Variants in CDKL1 observed in about 807,000 individuals in gnomAD.
CDKL1 encodes the protein cyclin dependent kinase like 1.
Under a neutral mutation model 42.0 loss-of-function variants are expected in CDKL1, and 41 were observed. The observed-to-expected ratio is 0.98, with a 90% CI of 0.76 to 1.27. CDKL1 has a LOEUF of 1.27. CDKL1 is among the 50% of genes most tolerant of loss of function. CDKL1 has a pLI of 0.00. For missense variants in CDKL1, 394 were observed against 428.4 expected (o/e 0.92, Z 0.71); for synonymous variants, 153 against 158.6 (o/e 0.96, Z 0.26).
At chr14:50,392,123 C>A (rs903450465) in intron 2 of CDKL1, among the ~76,000 whole-genome samples, 3 of 152,170 alleles carry the variant, frequency 2.0e-5, no homozygotes, top group African/African-American at 7.2e-5. Flanking sequence ...CATCCCCTCA[C>A]TTTTGAACAA....
intron 8 of CDKL1, 150 bp from the exon 9 acceptor site, chr14:50,332,582 TC>T: frequency 6.7e-7 from 1 of 1,482,674 alleles, no homozygotes; most frequent in Non-Finnish European, 9.1e-7. Flanking sequence ...TTTAGTTCCT[TC>T]CAGTCATTCC....
Position 50,333,790 on chromosome 14 carries a change from AAAT to A in CDKL1, c.795+772_795+774del, listed in dbSNP as rs1448342495. The A allele has an allele frequency of 2.0e-5, 3 of 152,144 alleles. No homozygotes were observed. In the East Asian group the frequency reaches 5.8e-4, roughly 29 times the overall value. The allele number at this position is 152,144 out of a possible 1,614,324, so 9.4% of individuals were successfully genotyped here. On this transcript the variant is annotated intron_variant, in intron 8 of 9. Transcript: ENST00000395834. ...TTAACTCATTATTTAATACATCAGTAAATAAATAATTTTTAAACCATGTGGGAC... is the reference window on the plus strand; with the variant it reads ...TTAACTCATTATTTAATACATCAGTAAAATAATTTTTAAACCATGTGGGAC...
At position 50,378,410 on chromosome 14, in the gene CDKL1, C is replaced by T. The variant is rs17122471; in HGVS notation, c.168+17291G>A. ...AGCAGCCGTCTTGAAGGGGCTGGGC[C>T]GTGATAGTAGTAAAATGTAAGGCTG... On this transcript the variant is annotated intron_variant, in intron 2 of 9. Coordinates refer to ENST00000395834, the MANE Select transcript of CDKL1 (RefSeq NM_004196.7). The T allele has an allele frequency of 4.9e-3, 6,689 of 1,366,284 alleles. 231 individuals are homozygous for T. In the African/African-American group the frequency reaches 0.08, roughly 16 times the overall value. The allele number at this position is 1,366,284 out of a possible 1,614,324, so 84.6% of individuals were successfully genotyped here.
At chr14:50,394,350 T>G (rs1370734648) in intron 2 of CDKL1, among the ~76,000 whole-genome samples, 2 of 152,222 alleles carry the variant, frequency 1.3e-5, no homozygotes, top group Non-Finnish European at 2.9e-5. Flanking sequence ...CTGCGGGGCT[T>G]TGGAAGCATC....
chr14:50,385,070 CAAAAAAAAAAAAAAAAAAAAAAAA>C lies in CDKL1; in HGVS notation c.168+10607_168+10630del, dbSNP rs55719234. 2.5e-4 allele frequency among the ~76,000 whole-genome samples: 23 copies of C among 93,550 alleles called. No homozygotes were observed. In the East Asian group the frequency reaches 5.6e-3, roughly 23 times the overall value. 61.4% of individuals were successfully genotyped at this position (93,550 alleles called of 152,430 possible). ...TGGGTGACAGAGCAAGACTCTGTCT[CAAAAAAAAAAAAAAAAAAAAAAAA>C]AAAAAAAAAAAAAAGAACCATTGGG... is the stretch of plus-strand genomic sequence containing the variant. On this transcript the variant is annotated intron_variant, in intron 2 of 9. Coordinates refer to ENST00000395834, the MANE Select transcript of CDKL1 (RefSeq NM_004196.7).
chr14:50,349,789 G>C (rs1346133887), intron 3 of CDKL1, among the ~76,000 whole-genome samples: 1 of 151,894 alleles, frequency 6.6e-6, no homozygotes. Context: ...GTTTTTTTGA[G>C]ACGTTGTCTC....
chr14:50,380,466 A>C (rs1427074898), intron 2 of CDKL1, among the ~76,000 whole-genome samples: 1 of 152,238 alleles, frequency 6.6e-6, no homozygotes, highest in Non-Finnish European at 1.5e-5. Flanking sequence ...TCTTTCCAAT[A>C]CCAATCAGTA....
At chr14:50,359,844 G>A (rs1169232392) in intron 2 of CDKL1, among the ~76,000 whole-genome samples, 1 of 147,500 alleles carries the variant, frequency 6.8e-6, no homozygotes, top group African/African-American at 2.5e-5. Flanking sequence ...AGCTTTGGCA[G>A]AGATAAATCT....
At chr14:50,378,293 G>A in intron 2 of CDKL1, 4 of 1,366,572 alleles carry the variant, frequency 2.9e-6, no homozygotes, top group Non-Finnish European at 3.9e-6. Context: ...AATAGGATGA[G>A]GTTGTTGCAG....
intron 2 of CDKL1, among the ~76,000 whole-genome samples, chr14:50,395,055 C>T (rs540642229): frequency 1.3e-5 from 2 of 152,298 alleles, no homozygotes; most frequent in East Asian, 3.9e-4. Context: ...CATGATGATG[C>T]TCAGCAGTAA....
intron 3 of CDKL1, among the ~76,000 whole-genome samples, chr14:50,346,355 C>T (rs777446798): frequency 6.6e-6 from 1 of 151,978 alleles, no homozygotes; most frequent in African/African-American, 2.4e-5. Flanking sequence ...CTTGTTTGAG[C>T]GGCATATAGG....
chr14:50,326,800 G>A lies in CDKL1; in HGVS notation c.*3274C>T. On this transcript the variant is annotated 3_prime_UTR_variant, in exon 10 of 10. Transcript: ENST00000395834. ...TCGTGCCTGTAATCCCAGTGCTTTG[G>A]GAGGCTGAGGTGGGAGGATCACTTG... 1.0e-6 allele frequency: 1 copy of A among 969,948 alleles called. No homozygotes were observed. Among genetic ancestry groups the A allele is most frequent in the Non-Finnish European group, 1.2e-6 (1 of 815,990 alleles). The allele number at this position is 969,948 out of a possible 1,614,324, so 60.1% of individuals were successfully genotyped here. A position where few individuals can be genotyped will look rare whatever the true frequency, so the allele number is the denominator to read the frequency against.
At chr14:50,388,106 G>C (rs548392979) in intron 2 of CDKL1, among the ~76,000 whole-genome samples, 1 of 152,072 alleles carries the variant, frequency 6.6e-6, no homozygotes, top group Non-Finnish European at 1.5e-5. Flanking sequence ...GGCCAGGCTG[G>C]TCTCAAACTC....
chr14:50,348,633 C>G (rs2033804259), intron 3 of CDKL1, among the ~76,000 whole-genome samples: 1 of 152,150 alleles, frequency 6.6e-6, no homozygotes, highest in African/African-American at 2.4e-5. Context: ...GATTCTGACA[C>G]TGGGGTTCCA....
At chr14:50,365,255 C>A (rs2034404684) in intron 2 of CDKL1, among the ~76,000 whole-genome samples, 1 of 152,154 alleles carries the variant, frequency 6.6e-6, no homozygotes, top group African/African-American at 2.4e-5. Context: ...CAATTTAAGG[C>A]TTGTGATATA....
At chr14:50,380,484 T>C (rs566942244) in intron 2 of CDKL1, among the ~76,000 whole-genome samples, 5 of 152,340 alleles carry the variant, frequency 3.3e-5, no homozygotes, top group African/African-American at 1.2e-4. Context: ...GTAAGTTAGA[T>C]CAAAAGCAGT....
rs1275653392 is a variant in CDKL1, at chr14:50,327,459, C to A, written c.*2615G>T. ...TAGATTTCTGTGTGTTTGATTTGAA[C>A]TTTTTTTTTTTTTTTTTTTTTTTTG... is the stretch of plus-strand genomic sequence containing the variant. On this transcript the variant is annotated 3_prime_UTR_variant, in exon 10 of 10. Transcript: ENST00000395834. The A allele has an allele frequency of 1.3e-5, 1 of 77,344 alleles. No individual in the cohort carries two copies. The highest frequency in any genetic ancestry group is 4.9e-5 in the African/African-American group (1 of 20,478). The allele number at this position is 77,344 out of a possible 1,614,324, so 4.8% of individuals were successfully genotyped here. A position where few individuals can be genotyped will look rare whatever the true frequency, so the allele number is the denominator to read the frequency against.
intron 3 of CDKL1, among the ~76,000 whole-genome samples, 166 bp from the exon 4 acceptor site, chr14:50,345,224 C>T (rs111338302): frequency 2.6e-5 from 4 of 152,260 alleles, no homozygotes; most frequent in African/African-American, 7.2e-5. Flanking sequence ...TAAAAATATG[C>T]GACCAGCACA....
rs571854789 is a variant in CDKL1 at position 50,326,502 on chromosome 14, A to G, written c.*3572T>C. ...CAAAGTGGTCAGTGGTTGTTGAAGC[A>G]TGCATTGCTTCAACAGGATTTGCGT... is the stretch of plus-strand genomic sequence containing the variant. On this transcript the variant is annotated 3_prime_UTR_variant, in exon 10 of 10. Coordinates refer to ENST00000395834, the MANE Select transcript of CDKL1 (RefSeq NM_004196.7). 11 of 985,460 alleles carry G rather than the reference A, an allele frequency of 1.1e-5. No individual in the cohort carries two copies. The South Asian group carries it at 5.2e-4, about 46-fold the overall frequency. The allele number at this position is 985,460 out of a possible 1,614,324, so 61.0% of individuals were successfully genotyped here.
Sources: allele counts gnomAD v4.1 joint callset (sites outside exome capture counted in the v4.1 genomes callset), GRCh38; gene constraint gnomAD v4.1.1; transcripts MANE v1.5; gene names NCBI Gene and HGNC (gene_info 2026-07-23, HGNC 2026-07-21).